Variants in ANKRD46 observed in about 807,000 individuals in gnomAD.
ANKRD46 encodes the protein ankyrin repeat domain 46.
A neutral mutation model predicts 19.8 loss-of-function variants in ANKRD46; 13 were observed. The observed-to-expected ratio is 0.66, with a 90% CI of 0.43 to 1.04. The LOEUF is 1.04. Ranked by LOEUF, ANKRD46 falls within the 50% of genes least tolerant of loss-of-function variation. ANKRD46 has a pLI of 0.00. For synonymous variants in ANKRD46, 91 were observed against 106.9 expected, an observed-to-expected ratio of 0.85 and a Z score of 0.92; for missense variants, 185 against 274.8, an observed-to-expected ratio of 0.67 and a Z score of 2.31.
rs1812092206 is a variant in ANKRD46 at position 100,537,710 on chromosome 8, A to G, written c.-130-4399T>C. On this transcript the variant is annotated intron_variant, in intron 1 of 4. Transcript: ENST00000335659. This position sits in a 1 kb window ranked among gnomAD's most constrained non-coding sequence, Gnocchi z 4.2. ...CATGTTGAAAAGAAATTTAGCTGTG[A>G]GCAAGTAAGAATTTTAACAATTTAA... Among the ~76,000 whole-genome samples, 1 of 152,234 alleles carries G rather than the reference A, an allele frequency of 6.6e-6. No individual in the cohort carries two copies. Among genetic ancestry groups the G allele is most frequent in the Non-Finnish European group, 1.5e-5 (1 of 68,042 alleles).
chr8:100,540,046 G>A (rs1429501746), intron 1 of ANKRD46, among the ~76,000 whole-genome samples: 1 of 152,156 alleles, frequency 6.6e-6, no homozygotes, highest in Non-Finnish European at 1.5e-5. Flanking sequence ...GCAAATAATT[G>A]CTTGGCAACA....
In ANKRD46 at chr8:100,534,223, A is replaced by G. The variant is rs114247122; in HGVS notation, c.-130-912T>C. On this transcript the variant is annotated intron_variant, in intron 1 of 4. Coordinates refer to ENST00000335659, the MANE Select transcript of ANKRD46 (RefSeq NM_001270377.2). The surrounding 1 kb of genome is among the most constrained non-coding windows in gnomAD (Gnocchi z 4.2). ...ACAAATTTATATAGGGAAATAATTA[A>G]TGGTATTTTACAAAGCTCCATTTAC... is the stretch of plus-strand genomic sequence containing the variant. 0.025 allele frequency among the ~76,000 whole-genome samples: 3,787 copies of G among 152,302 alleles called. 160 individuals carry two copies. Among genetic ancestry groups the G allele is most frequent in the African/African-American group, 0.084 (3,496 of 41,548 alleles).
chr8:100,556,604 A>G (rs62515847), intron 1 of ANKRD46: 7,670 of 152,234 alleles, frequency 0.05, 302 homozygotes, highest in Non-Finnish European at 0.074. Context: ...GCAGTCTCCA[A>G]TGCTCTTCCT....
intron 1 of ANKRD46, chr8:100,551,696 G>A: frequency 3.2e-6 from 2 of 623,630 alleles, no homozygotes; most frequent in South Asian, 1.4e-5. Flanking sequence ...TATTTACTCT[G>A]GCCTTCACCT....
chr8:100,541,771 T>C (rs920342463), intron 1 of ANKRD46, among the ~76,000 whole-genome samples: 2 of 152,220 alleles, frequency 1.3e-5, no homozygotes, highest in African/African-American at 4.8e-5. Context: ...TAATGACATT[T>C]TGGTCAACGA....
chr8:100,558,589 G>A (rs1470866003), intron 1 of ANKRD46, among the ~76,000 whole-genome samples: 1 of 152,176 alleles, frequency 6.6e-6, no homozygotes, highest in Non-Finnish European at 1.5e-5. Context: ...CTAAAAAGGA[G>A]TTCATGTAGG....
chr8:100,555,553 A>G (rs1812479344), intron 1 of ANKRD46, among the ~76,000 whole-genome samples: 1 of 151,280 alleles, frequency 6.6e-6, no homozygotes, highest in Non-Finnish European at 1.5e-5. Flanking sequence ...GCAGTAAGGA[A>G]ATCAGTGATG....
chr8:100,535,625 A>G (rs1402847636), intron 1 of ANKRD46, among the ~76,000 whole-genome samples: 2 of 152,208 alleles, frequency 1.3e-5, no homozygotes, highest in Admixed American at 1.3e-4. Flanking sequence ...TGTCATTTCA[A>G]GAATGTTGTA....
intron 4 of ANKRD46, among the ~76,000 whole-genome samples, chr8:100,523,115 C>T (rs1000445884): frequency 2.6e-5 from 4 of 151,742 alleles, no homozygotes; most frequent in African/African-American, 7.3e-5. Context: ...ATCACTTGAG[C>T]CCAGGAGTTC....
intron 1 of ANKRD46, among the ~76,000 whole-genome samples, chr8:100,535,310 G>C (rs1018861909): frequency 2.6e-5 from 4 of 152,142 alleles, no homozygotes; most frequent in Non-Finnish European, 5.9e-5. Context: ...TGGGTGAAGA[G>C]GACTAAAGAC....
rs1005815278 is a variant in ANKRD46 at position 100,544,149 on chromosome 8, C to G, written c.-130-10838G>C. 1.3e-5 allele frequency among the ~76,000 whole-genome samples: 2 copies of G among 152,162 alleles called. No individual in the cohort carries two copies. Among genetic ancestry groups the G allele is most frequent in the Non-Finnish European group, 2.9e-5 (2 of 68,036 alleles). On this transcript the variant is annotated intron_variant, in intron 1 of 4. Coordinates refer to ENST00000335659, the MANE Select transcript of ANKRD46 (RefSeq NM_001270377.2). This position sits in a 1 kb window ranked among gnomAD's most constrained non-coding sequence, Gnocchi z 4.4. ...TTATTCTCTCAATCTCTCCCTCACC[C>G]TCCTTTTGGCTACCCCAAGCAGCAA...
chr8:100,543,035 C>T lies in ANKRD46; in HGVS notation c.-130-9724G>A, dbSNP rs1049044942. 1.3e-5 allele frequency among the ~76,000 whole-genome samples: 2 copies of T among 152,060 alleles called. No individual in the cohort carries two copies. The highest frequency in any genetic ancestry group is 6.6e-5 in the Admixed American group (1 of 15,258). On this transcript the variant is annotated intron_variant, in intron 1 of 4. Coordinates refer to ENST00000335659, the MANE Select transcript of ANKRD46 (RefSeq NM_001270377.2). This position sits in a 1 kb window ranked among gnomAD's most constrained non-coding sequence, Gnocchi z 4.2. ...AGCATTCTGGAGAATCTTTCAGAAA[C>T]GGGAAAAGAAGATGACAAGTTCCTA...
intron 5 of ANKRD46, among the ~76,000 whole-genome samples, chr8:100,512,362 A>T (rs1811561287): frequency 6.6e-6 from 1 of 152,236 alleles, no homozygotes; most frequent in Non-Finnish European, 1.5e-5. Flanking sequence ...TAGAAATAAG[A>T]TAGGACAGAG....
chr8:100,548,594 C>T (rs1372575074), intron 1 of ANKRD46, among the ~76,000 whole-genome samples: 3 of 152,182 alleles, frequency 2.0e-5, no homozygotes, highest in Admixed American at 6.5e-5. Flanking sequence ...CACAGTATTT[C>T]GCATTACCTA....
chr8:100,513,754 C>T (rs1309566328), intron 5 of ANKRD46, among the ~76,000 whole-genome samples: 1 of 152,140 alleles, frequency 6.6e-6, no homozygotes, highest in Non-Finnish European at 1.5e-5. Context: ...AATGCAAAAG[C>T]ACTTTTGGGG....
Position 100,524,158 on chromosome 8 carries a change from T to C in ANKRD46, c.471-1387A>G, listed in dbSNP as rs556438061. 7.9e-5 allele frequency among the ~76,000 whole-genome samples: 12 copies of C among 152,324 alleles called. No individual in the cohort carries two copies. In the South Asian group the frequency reaches 2.5e-3, roughly 32 times the overall value. On this transcript the variant is annotated intron_variant, in intron 4 of 4. Transcript: ENST00000335659. The surrounding 1 kb of genome is among the most constrained non-coding windows in gnomAD (Gnocchi z 4.3). Reference sequence around the variant, plus strand: ...AGAAACTGCATCTGACTTTGGTACTTGGAAGCACTAAGGGAAGAGCACTCA... The same window carrying C: ...AGAAACTGCATCTGACTTTGGTACTCGGAAGCACTAAGGGAAGAGCACTCA...
In ANKRD46 at chr8:100,545,888, C is replaced by T. The variant is rs989041023; in HGVS notation, c.-130-12577G>A. 6.6e-6 allele frequency among the ~76,000 whole-genome samples: 1 copy of T among 152,222 alleles called. No individual in the cohort carries two copies. Among genetic ancestry groups the T allele is most frequent in the African/African-American group, 2.4e-5 (1 of 41,446 alleles). ...TATGCTTTAGCAAAAAGACTGGTGG[C>T]ATTTTGCCCCTGACCTAGAGATCTG... On this transcript the variant is annotated intron_variant, in intron 1 of 4. Coordinates refer to ENST00000335659, the MANE Select transcript of ANKRD46 (RefSeq NM_001270377.2). The surrounding 1 kb of genome is among the most constrained non-coding windows in gnomAD (Gnocchi z 4.7).
At chr8:100,517,637 C>A (rs762887029), downstream of ANKRD46, among the ~76,000 whole-genome samples, 6 of 152,296 alleles carry the variant, frequency 3.9e-5, no homozygotes, top group Admixed American at 6.5e-5. Flanking sequence ...GAACAGAATG[C>A]CAGCCTATGT....
chr8:100,521,777 A>G lies in ANKRD46; in HGVS notation c.*778T>C. 12 of 985,392 alleles carry G rather than the reference A, an allele frequency of 1.2e-5. No homozygotes were observed. Among genetic ancestry groups the G allele is most frequent in the Middle Eastern group, 5.2e-4 (1 of 1,914 alleles). The allele number at this position is 985,392 out of a possible 1,614,324, so 61.0% of individuals were successfully genotyped here. A position where few individuals can be genotyped will look rare whatever the true frequency, so the allele number is the denominator to read the frequency against. On this transcript the variant is annotated 3_prime_UTR_variant, in exon 5 of 5. Transcript: ENST00000335659. ...TTTCCCTGCTAACTATTCAGTAGAAAAAGGATTTTCTGACTGTAATTCTGA... is the reference window on the plus strand; with the variant it reads ...TTTCCCTGCTAACTATTCAGTAGAAGAAGGATTTTCTGACTGTAATTCTGA...
Sources: allele counts gnomAD v4.1 joint callset (sites outside exome capture counted in the v4.1 genomes callset), GRCh38; gene constraint gnomAD v4.1.1; non-coding constraint Gnocchi (gnomAD v3.1); transcripts MANE v1.5; gene names NCBI Gene and HGNC (gene_info 2026-07-23, HGNC 2026-07-21).